The following TNS1 variants were observed in gnomAD, a reference collection of about 807,000 sequenced individuals.
The protein encoded by TNS1 is tensin 1, also known as tensin-1.
In TNS1, 62 loss-of-function variants were observed where a neutral mutation model predicts 168.6. That is an observed-to-expected ratio of 0.37 (90% CI 0.30 to 0.45). The LOEUF is 0.45. TNS1 is among the 20% of genes least tolerant of loss of function. TNS1 has a pLI of 1.00. For synonymous variants in TNS1, 934 were observed against 933.2 expected (o/e 1.00, Z -0.02); for missense variants, 2,240 against 2,339.4 (o/e 0.96, Z 0.88).
intron 3 of TNS1, among the ~76,000 whole-genome samples, chr2:217,975,282 T>A (rs1460223002): frequency 6.6e-6 from 1 of 152,116 alleles, no homozygotes; most frequent in African/African-American, 2.4e-5. Context: ...GAGAGACCCC[T>A]AGCCAGAACC....
At chr2:217,998,291 T>C (rs904070421) in intron 1 of TNS1, among the ~76,000 whole-genome samples, 1 of 151,930 alleles carries the variant, frequency 6.6e-6, no homozygotes, top group Non-Finnish European at 1.5e-5. Context: ...TCTCTCTCTC[T>C]CTCCTCCTTC....
intron 4 of TNS1, among the ~76,000 whole-genome samples, chr2:217,915,392 G>C (rs1220716027): frequency 6.6e-6 from 1 of 152,178 alleles, no homozygotes; most frequent in Non-Finnish European, 1.5e-5. Flanking sequence ...AGCGTCCAAA[G>C]TCCTCTCCAC....
chr2:217,946,959 TCTCTCTCTCTCACA>T (rs1957122845), intron 3 of TNS1, among the ~76,000 whole-genome samples: 1 of 128,666 alleles, frequency 7.8e-6, no homozygotes, highest in Non-Finnish European at 1.5e-5. Context: ...TCTCTCTCTC[TCTCTCTCTCTCACA>T]CACACACACA....
chr2:217,838,543 G>T (rs1945484093), intron 19 of TNS1, among the ~76,000 whole-genome samples: 1 of 152,246 alleles, frequency 6.6e-6, no homozygotes, highest in African/African-American at 2.4e-5. Context: ...GAGCTGCAGG[G>T]CAGTGCCTCC....
intron 2 of TNS1, chr2:217,979,046 A>C: frequency 4.5e-6 from 2 of 449,090 alleles, no homozygotes; most frequent in East Asian, 3.9e-5. Context: ...CCAGAGCCAG[A>C]GCCCCTCCGG....
chr2:217,919,314 C>T (rs1955465459), intron 4 of TNS1, among the ~76,000 whole-genome samples: 2 of 152,198 alleles, frequency 1.3e-5, no homozygotes, highest in African/African-American at 4.8e-5. Context: ...ACTGCCTGGG[C>T]CCCAGGACAG....
intron 22 of TNS1, chr2:217,829,695 C>A (rs998140326): frequency 2.7e-5 from 24 of 880,740 alleles, no homozygotes; most frequent in Non-Finnish European, 4.0e-5. Context: ...TATCTCATCA[C>A]CAAGCGTTGG....
chr2:217,808,525 ACATG>A, intron 31 of TNS1, 74 bp downstream of exon 31: 4 of 1,327,094 alleles, frequency 3.0e-6, no homozygotes, highest in Non-Finnish European at 3.2e-6. Context: ...ACACACACAC[ACATG>A]CACATGCATG....
chr2:218,002,677 C>A (rs1026012382), intron 1 of TNS1, among the ~76,000 whole-genome samples, 163 bp downstream of exon 1: 3 of 152,220 alleles, frequency 2.0e-5, no homozygotes, highest in South Asian at 4.2e-4. Context: ...GAGGGTTGCT[C>A]AAGTCAGTCT....
At chr2:217,882,956 C>T (rs537152762) in intron 16 of TNS1, among the ~76,000 whole-genome samples, 4 of 152,146 alleles carry the variant, frequency 2.6e-5, no homozygotes, top group East Asian at 1.9e-4. Context: ...CCACCACGCC[C>T]GGCTCATTTT....
chr2:217,840,286 T>C (rs1023839711), intron 19 of TNS1, among the ~76,000 whole-genome samples: 1 of 152,202 alleles, frequency 6.6e-6, no homozygotes, highest in African/African-American at 2.4e-5. Context: ...AAGAGGTGAT[T>C]CCCTGGCCAG....
At chr2:217,838,703 C>T (rs931095690) in intron 19 of TNS1, among the ~76,000 whole-genome samples, 1 of 152,236 alleles carries the variant, frequency 6.6e-6, no homozygotes, top group Non-Finnish European at 1.5e-5. Flanking sequence ...TTGGCAAGCC[C>T]AGATCCGCCT....
At chr2:217,947,737 C>T (rs1010634011) in intron 3 of TNS1, among the ~76,000 whole-genome samples, 1 of 152,172 alleles carries the variant, frequency 6.6e-6, no homozygotes, top group Non-Finnish European at 1.5e-5. Flanking sequence ...GTCCAAGCTT[C>T]GTGAATCCAG....
intron 24 of TNS1, among the ~76,000 whole-genome samples, chr2:217,816,776 A>G (rs1014477447): frequency 2.6e-5 from 4 of 152,156 alleles, no homozygotes; most frequent in Admixed American, 2.6e-4. Flanking sequence ...GGAAACAGGC[A>G]GTGCAGGGTC....
intron 3 of TNS1, among the ~76,000 whole-genome samples, chr2:217,960,959 C>T (rs895707288): frequency 6.6e-6 from 1 of 152,078 alleles, no homozygotes; most frequent in Non-Finnish European, 1.5e-5. Context: ...CAACTGGCAC[C>T]CAGGGAAGCA....
rs560215853 is a variant in TNS1, at chr2:217,917,366, T to C, written c.228+2829A>G. Among the ~76,000 whole-genome samples the C allele has an allele frequency of 1.2e-4, 19 of 152,196 alleles. No individual in the cohort carries two copies. In the East Asian group the frequency reaches 1.4e-3, roughly 11 times the overall value. On this transcript the variant is annotated intron_variant, in intron 4 of 32. Transcript: ENST00000682258. Reference sequence around the variant, plus strand: ...GGGACACAGCACCGAACAAAATAGATAAAAATTCCTTGTCCTAATGGAGTT... The same window carrying C: ...GGGACACAGCACCGAACAAAATAGACAAAAATTCCTTGTCCTAATGGAGTT...
chr2:217,832,888 C>T (rs2125300234), intron 21 of TNS1, among the ~76,000 whole-genome samples: 1 of 152,164 alleles, frequency 6.6e-6, no homozygotes, highest in African/African-American at 2.4e-5. Context: ...AGCTCTAGGC[C>T]TCATGTCTCT....
At chr2:217,839,513 G>A (rs952763296) in intron 19 of TNS1, among the ~76,000 whole-genome samples, 5 of 152,028 alleles carry the variant, frequency 3.3e-5, no homozygotes, top group African/African-American at 1.2e-4. Flanking sequence ...GGCTCCCCTA[G>A]CATGAGCCAG....
upstream of TNS1, among the ~76,000 whole-genome samples, chr2:218,015,172 C>CCCTGCA (rs1958746791): frequency 6.6e-6 from 1 of 152,106 alleles, no homozygotes; most frequent in Non-Finnish European, 1.5e-5. Context: ...GAACCCCTGC[C>CCCTGCA]CCTGCCCCTG....
Sources: gnomAD v4.1 joint callset for allele counts (sites outside exome capture counted in the v4.1 genomes callset) on GRCh38, gnomAD v4.1.1 for gene constraint, MANE v1.5 for transcripts, NCBI Gene and HGNC (gene_info 2026-07-23, HGNC 2026-07-21) for gene names.